TMEM120B: variants seen among roughly 807,000 people sequenced by gnomAD.
The protein encoded by TMEM120B is transmembrane protein 120B.
Under a neutral mutation model 55.5 loss-of-function variants are expected in TMEM120B, and 31 were observed. That is an observed-to-expected ratio of 0.56 (90% CI 0.42 to 0.75). TMEM120B has a LOEUF of 0.75. Among genes scored for constraint, TMEM120B ranks in the 30% least tolerant of loss-of-function variants. TMEM120B has a pLI of 0.00. For synonymous variants in TMEM120B, 203 were observed against 176.3 expected (o/e 1.15, Z -1.20); for missense variants, 399 against 425.5 (o/e 0.94, Z 0.55).
At position 121,781,859 on chromosome 12, in the gene TMEM120B, C is replaced by G. The variant is rs557301254; in HGVS notation, c.*6137C>G. The G allele has an allele frequency of 1.3e-5, 2 of 152,368 alleles. No individual in the cohort carries two copies. The highest frequency in any genetic ancestry group is 4.8e-5 in the African/African-American group (2 of 41,568). The allele number at this position is 152,368 out of a possible 1,614,324, so 9.4% of individuals were successfully genotyped here. A position where few individuals can be genotyped will look rare whatever the true frequency, so the allele number is the denominator to read the frequency against. The stretch of plus-strand genomic sequence containing the variant: ...AACAGCACCGAGCGCCCTCCCCACC[C>G]AGATTCACAGAGCACACTCCCTGGG... On this transcript the variant is annotated 3_prime_UTR_variant, in exon 12 of 12. Transcript: ENST00000449592.
rs1227660061 is a variant in TMEM120B, at chr12:121,778,929, A to T, written c.*3207A>T. 6.5e-6 allele frequency: 1 copy of T among 154,502 alleles called. No homozygotes were observed. The highest frequency in any genetic ancestry group is 2.4e-5 in the African/African-American group (1 of 41,424). 9.6% of individuals were successfully genotyped at this position (154,502 alleles called of 1,614,324 possible). A position where few individuals can be genotyped will look rare whatever the true frequency, so the allele number is the denominator to read the frequency against. ...CCCAGCTCTGCAAAGACAGTGGCCA[A>T]GTTGAAGACAAGTCTTCCATGTGGG... On this transcript the variant is annotated 3_prime_UTR_variant, in exon 12 of 12. Coordinates refer to ENST00000449592, the MANE Select transcript of TMEM120B (RefSeq NM_001080825.2).
At chr12:121,742,065 C>T (rs1195797214) in intron 1 of TMEM120B, among the ~76,000 whole-genome samples, 11 of 149,558 alleles carry the variant, frequency 7.4e-5, no homozygotes, top group African/African-American at 2.5e-4. Context: ...TGCCGTGGCA[C>T]GATCTCAGCT....
chr12:121,750,282 A>G, intron 3 of TMEM120B, 98 bp from the exon 4 acceptor site: 1 of 1,141,354 alleles, frequency 8.8e-7, no homozygotes, highest in Non-Finnish European at 1.3e-6. Flanking sequence ...TTCTAACATC[A>G]GTGCTTGGGA....
chr12:121,756,189 G>A (rs1489040331), intron 5 of TMEM120B, among the ~76,000 whole-genome samples: 1 of 152,106 alleles, frequency 6.6e-6, no homozygotes, highest in Non-Finnish European at 1.5e-5. Context: ...AAGGGACTCT[G>A]CAGATGTGAT....
At chr12:121,764,463 G>A (rs1873781342) in intron 6 of TMEM120B, among the ~76,000 whole-genome samples, 2 of 152,038 alleles carry the variant, frequency 1.3e-5, no homozygotes, top group Admixed American at 1.3e-4. Flanking sequence ...TGAGGTTGTG[G>A]TGAGCCGAGA....
intron 1 of TMEM120B, among the ~76,000 whole-genome samples, chr12:121,728,611 C>T (rs551170879): frequency 3.3e-5 from 5 of 152,192 alleles, no homozygotes; most frequent in East Asian, 1.9e-4. Flanking sequence ...TGAGCCACCG[C>T]GCCCGGCCGA....
chr12:121,780,443 C>T lies in TMEM120B; in HGVS notation c.*4721C>T, dbSNP rs1874407531. On this transcript the variant is annotated 3_prime_UTR_variant, in exon 12 of 12. Transcript: ENST00000449592. ...TTATTCTGTTTATTCCCCCATGCCT[C>T]ACCCAAAGAGTTGCACGGTCAATTG... is the stretch of plus-strand genomic sequence containing the variant. The T allele has an allele frequency of 3.5e-6, 1 of 283,704 alleles. No individual in the cohort carries two copies. 17.6% of individuals were successfully genotyped at this position (283,704 alleles called of 1,614,324 possible).
At position 121,748,312 on chromosome 12, in the gene TMEM120B, A is replaced by T. The variant is rs777675816; in HGVS notation, c.189-14A>T. ...GTGACGCCCCTTCCCCTGTGCCTGC[A>T]TCTCTGTCCGCAGGTGCAAACGCCA... is the stretch of plus-strand genomic sequence containing the variant. On this transcript the variant is annotated splice_polypyrimidine_tract_variant and intron_variant, in intron 2 of 11. Transcript: ENST00000449592. 1 of 1,601,572 alleles carries T rather than the reference A, an allele frequency of 6.2e-7. No individual in the cohort carries two copies. The highest frequency in any genetic ancestry group is 2.2e-5 in the East Asian group (1 of 44,676).
At chr12:121,713,151 C>T (rs915214772) in intron 1 of TMEM120B, among the ~76,000 whole-genome samples, 187 bp downstream of exon 1, 8 of 152,034 alleles carry the variant, frequency 5.3e-5, no homozygotes, top group Non-Finnish European at 1.5e-5. Context: ...TCTTCGTCCA[C>T]GTGGGGCGCC....
At chr12:121,742,556 GC>G (rs1872962889) in intron 1 of TMEM120B, among the ~76,000 whole-genome samples, 1 of 152,118 alleles carries the variant, frequency 6.6e-6, no homozygotes, top group Non-Finnish European at 1.5e-5. Context: ...TACATGTGCT[GC>G]CAAAGTGAGC....
At chr12:121,746,190 CTTT>C (rs71079090) in intron 2 of TMEM120B, among the ~76,000 whole-genome samples, 7 of 121,626 alleles carry the variant, frequency 5.8e-5, no homozygotes, top group African/African-American at 1.7e-4. Context: ...CGCCCCCCCA[CTTT>C]TTTTTTTTTT....
chr12:121,718,212 G>A (rs1894735298), intron 1 of TMEM120B, among the ~76,000 whole-genome samples: 1 of 152,206 alleles, frequency 6.6e-6, no homozygotes, highest in Admixed American at 6.5e-5. Flanking sequence ...GCCTGGCGCA[G>A]TGGCCCATGC....
intron 6 of TMEM120B, among the ~76,000 whole-genome samples, chr12:121,762,999 G>A (rs1032953109): frequency 1.3e-5 from 2 of 152,092 alleles, no homozygotes; most frequent in South Asian, 2.1e-4. Flanking sequence ...GGCTCTGAGT[G>A]CGAGAAGCCC....
intron 1 of TMEM120B, among the ~76,000 whole-genome samples, chr12:121,741,411 C>T (rs1400238729): frequency 6.6e-6 from 1 of 152,146 alleles, no homozygotes; most frequent in Non-Finnish European, 1.5e-5. Context: ...CTCACCACAA[C>T]CTGTGCCTCC....
intron 5 of TMEM120B, 100 bp from the exon 6 acceptor site, chr12:121,761,549 G>A (rs901753565): frequency 1.0e-4 from 86 of 843,694 alleles, no homozygotes; most frequent in Admixed American, 1.6e-4. Flanking sequence ...CGTGCTGTGG[G>A]CAGCCCTCAG....
intron 1 of TMEM120B, among the ~76,000 whole-genome samples, chr12:121,721,786 T>G (rs1282396899): frequency 1.4e-5 from 2 of 145,204 alleles, no homozygotes. Flanking sequence ...CCTTTTTTTT[T>G]GAATGGAATC....
intron 6 of TMEM120B, among the ~76,000 whole-genome samples, chr12:121,770,060 GAGC>G (rs1019520321): frequency 2.6e-5 from 4 of 152,180 alleles, no homozygotes; most frequent in African/African-American, 9.7e-5. Flanking sequence ...GGAGCAGAGA[GAGC>G]AGCAAGTCCA....
At chr12:121,750,252 C>T in intron 3 of TMEM120B, 128 bp from the exon 4 acceptor site, 1 of 860,526 alleles carries the variant, frequency 1.2e-6, no homozygotes, top group Non-Finnish European at 1.9e-6. Context: ...CATTTGCCCG[C>T]TGAGCTTAGG....
chr12:121,756,575 C>T (rs139474706), intron 5 of TMEM120B, among the ~76,000 whole-genome samples: 8 of 152,226 alleles, frequency 5.3e-5, no homozygotes, highest in Admixed American at 1.3e-4. Context: ...CAGAAATGGC[C>T]GCTGGGTGCA....
Sources: gnomAD v4.1 joint callset for allele counts (sites outside exome capture counted in the v4.1 genomes callset) on GRCh38, gnomAD v4.1.1 for gene constraint, MANE v1.5 for transcripts, NCBI Gene and HGNC (gene_info 2026-07-23, HGNC 2026-07-21) for gene names.